Variants in NRG1 observed in about 807,000 individuals in gnomAD.
NRG1 encodes neuregulin 1.
Under a neutral mutation model 63.8 loss-of-function variants are expected in NRG1, and 18 were observed. The ratio of observed to expected loss-of-function variants is 0.28; its 90% confidence interval spans 0.19 to 0.42. The LOEUF (loss-of-function observed/expected upper bound fraction) is 0.42. NRG1 is among the 10% of genes least tolerant of loss of function. The pLI is 1.00. For synonymous variants in NRG1, 302 were observed against 301.3 expected, an observed-to-expected ratio of 1.00 and a Z score of -0.02; for missense variants, 762 against 814.7, an observed-to-expected ratio of 0.94 and a Z score of 0.79.
chr8:32,128,554 T>A (rs993727097), intron 1 of NRG1, among the ~76,000 whole-genome samples: 6 of 152,058 alleles, frequency 3.9e-5, no homozygotes, highest in Non-Finnish European at 8.8e-5. Context: ...CATGTGAAAG[T>A]CCTTGAGAAT....
At chr8:32,761,065 G>A in intron 11 of NRG1, 1 of 920,598 alleles carries the variant, frequency 1.1e-6, no homozygotes, top group Non-Finnish European at 1.3e-6. Flanking sequence ...GAATGTTTTG[G>A]CTTTCCTTTG....
At chr8:32,191,621 G>T (rs1420895712) in intron 1 of NRG1, among the ~76,000 whole-genome samples, 1 of 152,146 alleles carries the variant, frequency 6.6e-6, no homozygotes, top group Non-Finnish European at 1.5e-5. Context: ...AACCTGTTTG[G>T]ATCTGCTAGG....
At chr8:32,104,939 A>T (rs1156628522) in intron 1 of NRG1, among the ~76,000 whole-genome samples, 1 of 152,142 alleles carries the variant, frequency 6.6e-6, no homozygotes, top group East Asian at 1.9e-4. Flanking sequence ...ATACATGTAG[A>T]AGCAGTACAC....
chr8:32,194,039 T>G (rs1457717579), intron 1 of NRG1, among the ~76,000 whole-genome samples: 1 of 152,248 alleles, frequency 6.6e-6, no homozygotes, highest in Non-Finnish European at 1.5e-5. Context: ...GACTTTGTTA[T>G]GACAGCCCTT....
At chr8:31,649,231 G>C (rs977510448) in intron 1 of NRG1, among the ~76,000 whole-genome samples, 5 of 152,186 alleles carry the variant, frequency 3.3e-5, no homozygotes, top group African/African-American at 1.2e-4. Context: ...CTGGATTACA[G>C]GAGTGAGCCA....
intron 1 of NRG1, among the ~76,000 whole-genome samples, chr8:32,489,731 G>C (rs7001605): frequency 0.62 from 94,817 of 152,136 alleles, 29,794 homozygotes; most frequent in East Asian, 0.79. Flanking sequence ...CTTAACAATA[G>C]CTGGCAAATA....
chr8:32,383,832 A>T lies in NRG1; in HGVS notation c.38-211996A>T, dbSNP rs911934772. On this transcript the variant is annotated intron_variant, in intron 1 of 10. Coordinates refer to the NRG1 transcript ENST00000519301. ...ATGTCAGCTATTTGCCAATTAGATG[A>T]CCTGGGTATGTAATGAGAATGCATA... is the stretch of plus-strand genomic sequence containing the variant. 9.9e-5 allele frequency among the ~76,000 whole-genome samples: 15 copies of T among 152,176 alleles called. 1 individual carries two copies. Among genetic ancestry groups the T allele is most frequent in the African/African-American group, 3.6e-4 (15 of 41,446 alleles).
At chr8:31,868,631 T>C (rs1401544005) in intron 1 of NRG1, among the ~76,000 whole-genome samples, 1 of 152,224 alleles carries the variant, frequency 6.6e-6, no homozygotes, top group Admixed American at 6.5e-5. Flanking sequence ...TCAAATGTAT[T>C]CGCTCTTCTT....
chr8:32,615,619 T>C (rs145414388), intron 4 of NRG1, among the ~76,000 whole-genome samples: 2 of 152,232 alleles, frequency 1.3e-5, no homozygotes, highest in Non-Finnish European at 2.9e-5. Context: ...TTGTTGAAAC[T>C]ATAGAATGAC....
intron 5 of NRG1, among the ~76,000 whole-genome samples, chr8:32,637,854 C>T (rs1263158712): frequency 6.6e-6 from 1 of 152,076 alleles, no homozygotes; most frequent in Non-Finnish European, 1.5e-5. Context: ...GAATATTAGT[C>T]TCTGAATATC....
chr8:32,561,348 T>C (rs1029301984), intron 1 of NRG1, among the ~76,000 whole-genome samples: 4 of 152,242 alleles, frequency 2.6e-5, no homozygotes, highest in African/African-American at 9.6e-5. Context: ...CGAATCTTTA[T>C]ATCTTTTTGT....
intron 1 of NRG1, chr8:32,063,412 T>C (rs1824204795): frequency 6.6e-6 from 1 of 152,132 alleles, no homozygotes; most frequent in Admixed American, 6.6e-5. Flanking sequence ...TTACTAGTTA[T>C]TTGTAATGGG....
At chr8:31,934,966 A>C (rs1016803445) in intron 1 of NRG1, among the ~76,000 whole-genome samples, 1 of 152,016 alleles carries the variant, frequency 6.6e-6, no homozygotes, top group Non-Finnish European at 1.5e-5. Context: ...GTTTTAATAG[A>C]GTCAGGGTAT....
chr8:31,991,981 C>A (rs1811175643), intron 1 of NRG1, among the ~76,000 whole-genome samples: 1 of 151,962 alleles, frequency 6.6e-6, no homozygotes, highest in African/African-American at 2.4e-5. Flanking sequence ...TGACACACTG[C>A]AATTCATCCA....
At chr8:32,348,167 G>T in intron 1 of NRG1, among the ~76,000 whole-genome samples, 1 of 152,190 alleles carries the variant, frequency 6.6e-6, no homozygotes, top group African/African-American at 2.4e-5. Flanking sequence ...AATTATCGCT[G>T]CACAGCTAAT....
chr8:32,711,017 A>G (rs1303179886), intron 5 of NRG1, among the ~76,000 whole-genome samples: 2 of 152,134 alleles, frequency 1.3e-5, no homozygotes, highest in South Asian at 4.1e-4. Context: ...ACATAGAGAA[A>G]TATTCAGATG....
intron 1 of NRG1, among the ~76,000 whole-genome samples, chr8:31,856,383 C>T (rs965035694): frequency 3.3e-5 from 5 of 152,144 alleles, no homozygotes; most frequent in African/African-American, 1.2e-4. Context: ...TCGCTGATAC[C>T]CTTTCTTCCA....
chr8:32,328,406 C>T (rs67393408), intron 1 of NRG1, among the ~76,000 whole-genome samples: 19,793 of 150,266 alleles, frequency 0.13, 1,916 homozygotes, highest in East Asian at 0.58. Flanking sequence ...AAAATACTTG[C>T]TTTTACACTA....
chr8:32,048,922 C>T (rs1447288493), intron 1 of NRG1, among the ~76,000 whole-genome samples: 2 of 151,702 alleles, frequency 1.3e-5, no homozygotes, highest in Admixed American at 6.6e-5. Context: ...GATTTTTAAC[C>T]GTTTGGGATG....
Sources: allele counts gnomAD v4.1 joint callset (sites outside exome capture counted in the v4.1 genomes callset), GRCh38; gene constraint gnomAD v4.1.1; transcripts MANE v1.5; gene names NCBI Gene and HGNC (gene_info 2026-07-23, HGNC 2026-07-21).